Variants in ITGB5 observed in about 807,000 individuals in gnomAD.
The protein encoded by ITGB5 is integrin beta-5.
In ITGB5, 38 loss-of-function variants were observed where a neutral mutation model predicts 84.8. The observed-to-expected ratio is 0.45, with a 90% CI of 0.35 to 0.59. The LOEUF (loss-of-function observed/expected upper bound fraction) is 0.59. Ranked by LOEUF, ITGB5 falls within the 20% of genes least tolerant of loss-of-function variation. The pLI is 0.01. For synonymous variants in ITGB5, 393 were observed against 414.4 expected, an observed-to-expected ratio of 0.95 and a Z score of 0.63; for missense variants, 905 against 1,034.5, an observed-to-expected ratio of 0.87 and a Z score of 1.72.
At chr3:124,834,941 A>C (rs946888046) in intron 5 of ITGB5, among the ~76,000 whole-genome samples, 2 of 152,182 alleles carry the variant, frequency 1.3e-5, no homozygotes, top group Non-Finnish European at 2.9e-5. Context: ...CATTCCAAGC[A>C]AGAAGGAGCC....
At chr3:124,792,177 A>G (rs1368801066) in intron 10 of ITGB5, 2 of 152,200 alleles carry the variant, frequency 1.3e-5, no homozygotes, top group African/African-American at 4.8e-5. Context: ...AGACACTCAA[A>G]ATGTTCTCAT....
chr3:124,846,875 CA>C (rs1559966084), intron 4 of ITGB5, among the ~76,000 whole-genome samples: 1 of 152,108 alleles, frequency 6.6e-6, no homozygotes, highest in Non-Finnish European at 1.5e-5. Context: ...GCGGAGGTTG[CA>C]GGGAGCCGAG....
At chr3:124,819,338 G>T (rs1388468861) in intron 7 of ITGB5, among the ~76,000 whole-genome samples, 3 of 152,210 alleles carry the variant, frequency 2.0e-5, no homozygotes, top group African/African-American at 7.2e-5. Context: ...GTCTCCTATA[G>T]TCTGCAGGCT....
chr3:124,776,761 G>A (rs2063932095), intron 10 of ITGB5, among the ~76,000 whole-genome samples: 1 of 152,230 alleles, frequency 6.6e-6, no homozygotes, highest in Non-Finnish European at 1.5e-5. Flanking sequence ...GAGGCCAGGC[G>A]GGTGTTGTTT....
intron 10 of ITGB5, among the ~76,000 whole-genome samples, chr3:124,782,992 T>C (rs934418174): frequency 2.6e-5 from 4 of 151,958 alleles, no homozygotes; most frequent in African/African-American, 9.7e-5. Context: ...TCTTTTTTAA[T>C]ATTTTAAGAT....
At chr3:124,901,195 C>T (rs1316739290) in intron 1 of ITGB5, 3 of 152,192 alleles carry the variant, frequency 2.0e-5, no homozygotes, top group African/African-American at 7.2e-5. Flanking sequence ...GGTTCAAGAC[C>T]AGCTTGGCCA....
At position 124,767,900 on chromosome 3, in the gene ITGB5, C is replaced by T. The variant is rs560385415; in HGVS notation, c.2017+1113G>A. On this transcript the variant is annotated intron_variant, in intron 12 of 14. Transcript: ENST00000296181. ...CAGCCTGGGCAACATGGTGAAACTC[C>T]GTCTCTACAAAAACAAAAATTTGCC... 2.0e-4 allele frequency among the ~76,000 whole-genome samples: 31 copies of T among 152,198 alleles called. No homozygotes were observed. The South Asian group carries it at 5.4e-3, about 26-fold the overall frequency.
At chr3:124,782,600 G>A (rs1381682799) in intron 10 of ITGB5, among the ~76,000 whole-genome samples, 1 of 152,222 alleles carries the variant, frequency 6.6e-6, no homozygotes, top group African/African-American at 2.4e-5. Context: ...GCTCACGGCT[G>A]TAATCCCAGC....
chr3:124,802,325 T>C (rs1272948649), intron 9 of ITGB5, among the ~76,000 whole-genome samples: 1 of 152,214 alleles, frequency 6.6e-6, no homozygotes, highest in African/African-American at 2.4e-5. Flanking sequence ...ACACACTCAG[T>C]AGCACCCCTG....
At chr3:124,805,096 C>T (rs1197401154) in intron 9 of ITGB5, among the ~76,000 whole-genome samples, 1 of 137,564 alleles carries the variant, frequency 7.3e-6, no homozygotes, top group African/African-American at 2.7e-5. Flanking sequence ...CTTTCTTTCT[C>T]TCTCTCTCTC....
chr3:124,795,652 G>A (rs984192986), intron 10 of ITGB5, among the ~76,000 whole-genome samples: 6 of 152,132 alleles, frequency 3.9e-5, no homozygotes, highest in Admixed American at 6.5e-5. Flanking sequence ...TCCAGGGTTC[G>A]ACTGAGGGTC....
At position 124,887,265 on chromosome 3, in the gene ITGB5, G is replaced by A. The variant is rs1934868910; in HGVS notation, c.-265C>T. 2 of 152,106 alleles carry A rather than the reference G, an allele frequency of 1.3e-5. No homozygotes were observed. The allele number at this position is 152,106 out of a possible 1,614,324, so 9.4% of individuals were successfully genotyped here. ...GTCGCCGCTCGGGACGGCCCCAGCG[G>A]GCTGCTCCGGGTAGGGGAGGGGCTG... On this transcript the variant is annotated 5_prime_UTR_variant, in exon 1 of 15. Transcript: ENST00000296181.
chr3:124,827,557 A>C (rs1431924420), intron 5 of ITGB5, among the ~76,000 whole-genome samples: 8 of 152,238 alleles, frequency 5.3e-5, no homozygotes, highest in Admixed American at 5.2e-4. Context: ...CAGTATCTAA[A>C]ATTTAAGACT....
At chr3:124,773,222 T>G (rs1487444686) in intron 11 of ITGB5, among the ~76,000 whole-genome samples, 2 of 152,178 alleles carry the variant, frequency 1.3e-5, no homozygotes, top group Non-Finnish European at 2.9e-5. Flanking sequence ...CCAATTTACC[T>G]TCTGATGATG....
At chr3:124,770,160 T>G (rs1241009006) in intron 11 of ITGB5, 1 of 152,092 alleles carries the variant, frequency 6.6e-6, no homozygotes, top group Non-Finnish European at 1.5e-5. Context: ...GCTCCTCTGG[T>G]GGCTGGGGGA....
Position 124,796,584 on chromosome 3 carries a change from C to T in ITGB5, c.1497G>A (p.Glu499=). The T allele has an allele frequency of 1.9e-6, 3 of 1,614,174 alleles. No individual in the cohort carries two copies. Among genetic ancestry groups the T allele is most frequent in the South Asian group, 1.1e-5 (1 of 91,088 alleles). ...CGCTCTGGTTCTCCCCATCCTGGCA[C>T]TCGCACCTGGTGCCCAGGTAGCCGG... ...CSPGYLGTRC[E]CQDGENQSVY... is the part of the protein sequence containing the mutation. Residue 499 remains glutamate, a synonymous_variant, in exon 10 of 15, where the codon GAG becomes GAA. Transcript: ENST00000296181.
At chr3:124,836,765 A>C (rs1460038265) in intron 5 of ITGB5, among the ~76,000 whole-genome samples, 1 of 152,242 alleles carries the variant, frequency 6.6e-6, no homozygotes, top group African/African-American at 2.4e-5. Context: ...CATTTTAGAT[A>C]AGATATTCTG....
intron 3 of ITGB5, among the ~76,000 whole-genome samples, chr3:124,852,562 G>T (rs887358491): frequency 1.3e-5 from 2 of 152,016 alleles, no homozygotes; most frequent in African/African-American, 4.8e-5. Flanking sequence ...CATTCTATCT[G>T]AAATGTATTT....
At chr3:124,861,139 C>T (rs866148751) in intron 2 of ITGB5, among the ~76,000 whole-genome samples, 2 of 152,096 alleles carry the variant, frequency 1.3e-5, no homozygotes, top group South Asian at 4.2e-4. Flanking sequence ...ATAAGTAAAG[C>T]CAGATGTATT....
Sources: allele counts gnomAD v4.1 joint callset (sites outside exome capture counted in the v4.1 genomes callset), GRCh38; gene constraint gnomAD v4.1.1; transcripts MANE v1.5; gene names NCBI Gene and HGNC (gene_info 2026-07-23, HGNC 2026-07-21).